The following PRKCH variants were observed in gnomAD, a reference collection of about 807,000 sequenced individuals.
PRKCH encodes the protein protein kinase C eta type.
PRKCH carries 28 observed loss-of-function variants against 82.5 expected under a neutral mutation model. The ratio of observed to expected loss-of-function variants is 0.34; its 90% CI spans 0.25 to 0.47. PRKCH has a LOEUF of 0.47. Among genes scored for constraint, PRKCH ranks in the 20% least tolerant of loss-of-function variants. PRKCH has a pLI of 1.00. For missense variants in PRKCH, 705 were observed against 881.8 expected (o/e 0.80, Z 2.54); for synonymous variants, 322 against 327.4 (o/e 0.98, Z 0.18).
chr14:61,365,957 A>G (rs1284470173), intron 1 of PRKCH, among the ~76,000 whole-genome samples: 1 of 152,114 alleles, frequency 6.6e-6, no homozygotes, highest in African/African-American at 2.4e-5. Flanking sequence ...AAGACTTAAA[A>G]GGAGAAAAGA....
intron 1 of PRKCH, among the ~76,000 whole-genome samples, chr14:61,276,779 C>T (rs1273076231): frequency 1.3e-5 from 2 of 152,120 alleles, no homozygotes; most frequent in Non-Finnish European, 2.9e-5. Flanking sequence ...TCTCCTATGA[C>T]AGGAAGACGG....
At chr14:61,216,801 G>A (rs1010570884) in intron 1 of PRKCH, among the ~76,000 whole-genome samples, 2 of 152,024 alleles carry the variant, frequency 1.3e-5, no homozygotes, top group East Asian at 3.8e-4. Flanking sequence ...ACAAAAGTAA[G>A]GTAATTTTTA....
At chr14:61,375,747 C>G (rs527562107) in intron 1 of PRKCH, among the ~76,000 whole-genome samples, 3 of 152,138 alleles carry the variant, frequency 2.0e-5, no homozygotes, top group African/African-American at 7.2e-5. Context: ...CCCAACATGA[C>G]TGGATTACAA....
intron 1 of PRKCH, among the ~76,000 whole-genome samples, chr14:61,293,354 C>T (rs1167916158): frequency 6.6e-6 from 1 of 152,190 alleles, no homozygotes; most frequent in Non-Finnish European, 1.5e-5. Context: ...AGTGTGACAG[C>T]AACAAAGTAC....
chr14:61,437,275 T>C (rs556984053), intron 2 of PRKCH, among the ~76,000 whole-genome samples: 3 of 152,220 alleles, frequency 2.0e-5, no homozygotes, highest in Non-Finnish European at 2.9e-5. Flanking sequence ...GTAGTTCTTA[T>C]TCAGTGTTTT....
intron 10 of PRKCH, 155 bp from the exon 11 acceptor site, chr14:61,528,920 T>G: frequency 1.5e-6 from 1 of 656,960 alleles, no homozygotes; most frequent in Non-Finnish European, 2.4e-6. Context: ...CACAGAGAAG[T>G]TTGTTCCTTT....
rs186978650 is a variant in PRKCH, at chr14:61,449,711, C to T, written c.702+459C>T. Among the ~76,000 whole-genome samples, 223 of 152,290 alleles carry T rather than the reference C, an allele frequency of 1.5e-3. 1 individual carries two copies. The highest frequency in any genetic ancestry group is 5.2e-3 in the African/African-American group (215 of 41,570). On this transcript the variant is annotated intron_variant, in intron 5 of 13. Transcript: ENST00000332981. Reference sequence around the variant, plus strand: ...ATCTCTCTTTTCCTCAGTCTTAAAACAGGATCAATGTTTCCCTCACACAGT... The same window carrying T: ...ATCTCTCTTTTCCTCAGTCTTAAAATAGGATCAATGTTTCCCTCACACAGT...
At chr14:61,315,400 G>T (rs868439612) in intron 1 of PRKCH, among the ~76,000 whole-genome samples, 1 of 152,030 alleles carries the variant, frequency 6.6e-6, no homozygotes, top group Non-Finnish European at 1.5e-5. Flanking sequence ...TTCAACTCTC[G>T]GTTTCCTTAT....
intron 12 of PRKCH, among the ~76,000 whole-genome samples, chr14:61,531,637 A>C (rs577108658): frequency 6.6e-6 from 1 of 152,214 alleles, no homozygotes; most frequent in African/African-American, 2.4e-5. Context: ...ATAATCACAG[A>C]AATCCTTCTG....
chr14:61,213,494 G>A (rs968459315), intron 1 of PRKCH, among the ~76,000 whole-genome samples: 6 of 152,176 alleles, frequency 3.9e-5, no homozygotes, highest in Admixed American at 3.3e-4. Context: ...TTCATTTATA[G>A]CTGGCAAAAG....
At chr14:61,203,093 A>G (rs2044495045) in intron 1 of PRKCH, among the ~76,000 whole-genome samples, 1 of 151,726 alleles carries the variant, frequency 6.6e-6, no homozygotes, top group Admixed American at 6.6e-5. Context: ...TTTCCCTCTT[A>G]CCCACGAAGT....
intron 1 of PRKCH, among the ~76,000 whole-genome samples, chr14:61,209,655 C>G (rs903671745): frequency 6.6e-6 from 1 of 152,054 alleles, no homozygotes; most frequent in African/African-American, 2.4e-5. Context: ...TGCCATAAGC[C>G]TTTGTGCAAA....
intron 1 of PRKCH, among the ~76,000 whole-genome samples, chr14:61,237,235 T>C (rs1263282265): frequency 7.0e-6 from 1 of 141,874 alleles, no homozygotes; most frequent in Non-Finnish European, 1.5e-5. Flanking sequence ...AGAGCAAGAC[T>C]CTGTTTCAAA....
In PRKCH at chr14:61,294,997, C is replaced by T. The variant is rs557173580; in HGVS notation, c.-19+107329C>T. The stretch of plus-strand genomic sequence containing the variant: ...AAGCGATTTTCATGCCTCAGCCTCC[C>T]GAGTAGCTGGGACATGCACCACTAC... On this transcript the variant is annotated intron_variant, in intron 1 of 3. Transcript: ENST00000555185. Among the ~76,000 whole-genome samples, 14 of 152,176 alleles carry T rather than the reference C, an allele frequency of 9.2e-5. No homozygotes were observed. The South Asian group carries it at 1.0e-3, about 11-fold the overall frequency.
chr14:61,410,392 T>C (rs1319018674), intron 2 of PRKCH, among the ~76,000 whole-genome samples: 1 of 152,230 alleles, frequency 6.6e-6, no homozygotes, highest in Non-Finnish European at 1.5e-5. Context: ...GTTAATCTTT[T>C]TACTCTGCTC....
chr14:61,375,477 A>G (rs2046417231), intron 1 of PRKCH, among the ~76,000 whole-genome samples: 1 of 152,052 alleles, frequency 6.6e-6, no homozygotes, highest in Non-Finnish European at 1.5e-5. Context: ...ACTGTTATAC[A>G]GAACTACGTG....
At chr14:61,484,820 G>A (rs1405406950) in intron 9 of PRKCH, among the ~76,000 whole-genome samples, 2 of 148,308 alleles carry the variant, frequency 1.3e-5, no homozygotes, top group African/African-American at 5.1e-5. Context: ...TCAGGTGGGA[G>A]TGCCGTGGCA....
intron 1 of PRKCH, among the ~76,000 whole-genome samples, chr14:61,386,166 A>T (rs1319519629): frequency 2.0e-5 from 3 of 152,196 alleles, no homozygotes; most frequent in Non-Finnish European, 4.4e-5. Flanking sequence ...GTGTACAAGA[A>T]TTAAGAGATG....
intron 10 of PRKCH, among the ~76,000 whole-genome samples, chr14:61,509,075 G>T (rs572466796): frequency 1.3e-5 from 2 of 152,086 alleles, no homozygotes; most frequent in Admixed American, 1.3e-4. Context: ...GCCAGTCCAG[G>T]GTCTGGAGAG....
Sources: gnomAD v4.1 joint callset for allele counts (sites outside exome capture counted in the v4.1 genomes callset) on GRCh38, gnomAD v4.1.1 for gene constraint, MANE v1.5 for transcripts, NCBI Gene and HGNC (gene_info 2026-07-23, HGNC 2026-07-21) for gene names.